The following PTPRD variants were observed in gnomAD, a reference collection of about 807,000 sequenced individuals.
The protein encoded by PTPRD is protein tyrosine phosphatase receptor type D.
A neutral mutation model predicts 214.5 loss-of-function variants in PTPRD; 34 were observed. That is an observed-to-expected ratio of 0.16 (90% CI 0.12 to 0.21). The LOEUF (loss-of-function observed/expected upper bound fraction) is 0.21, where lower values mean the gene tolerates loss of function less well. PTPRD is among the 10% of genes least tolerant of loss of function. The pLI, the probability that PTPRD is intolerant of heterozygous loss-of-function variation, is 1.00. For synonymous variants in PTPRD, 1,128 were observed against 845.7 expected (o/e 1.33, Z -5.79); for missense variants, 2,545 against 2,398.7 (o/e 1.06, Z -1.27).
chr9:10,408,790 A>T (rs1587524193), intron 2 of PTPRD, among the ~76,000 whole-genome samples: 1 of 151,634 alleles, frequency 6.6e-6, no homozygotes, highest in African/African-American at 2.4e-5. Context: ...GACCTTTCCA[A>T]GTTTCTACAC....
intron 2 of PTPRD, among the ~76,000 whole-genome samples, chr9:10,594,289 A>C (rs1016098212): frequency 6.6e-6 from 1 of 151,990 alleles, no homozygotes; most frequent in African/African-American, 2.4e-5. Flanking sequence ...GTCTTCAGTA[A>C]AACTGAACTG....
intron 8 of PTPRD, among the ~76,000 whole-genome samples, chr9:9,405,027 C>T (rs1412035235): frequency 6.6e-6 from 1 of 152,002 alleles, no homozygotes; most frequent in African/African-American, 2.4e-5. Flanking sequence ...GATAACATCC[C>T]GGTGGCACCC....
intron 11 of PTPRD, among the ~76,000 whole-genome samples, chr9:8,947,462 C>CA (rs138279192): frequency 0.024 from 2,213 of 92,686 alleles, 66 homozygotes; most frequent in African/African-American, 0.072. Flanking sequence ...GACTCTGTCT[C>CA]AAAAAAAAAA....
chr9:10,565,216 T>A (rs906592029), intron 2 of PTPRD, among the ~76,000 whole-genome samples: 1 of 152,104 alleles, frequency 6.6e-6, no homozygotes, highest in Admixed American at 6.6e-5. Flanking sequence ...GACCCTATCA[T>A]CTGCCAAATC....
chr9:9,290,091 C>A (rs761433067), intron 9 of PTPRD, among the ~76,000 whole-genome samples: 1 of 151,620 alleles, frequency 6.6e-6, no homozygotes, highest in Non-Finnish European at 1.5e-5. Flanking sequence ...TACAAGGGTT[C>A]CCTTTTTTCC....
chr9:9,802,063 G>A (rs948674341), intron 5 of PTPRD, among the ~76,000 whole-genome samples: 6 of 152,004 alleles, frequency 3.9e-5, no homozygotes, highest in African/African-American at 7.2e-5. Context: ...AATGTGTTTA[G>A]CACCAATTGC....
chr9:8,841,953 G>C (rs550352882), intron 11 of PTPRD, among the ~76,000 whole-genome samples: 13 of 151,856 alleles, frequency 8.6e-5, no homozygotes, highest in African/African-American at 2.9e-4. Flanking sequence ...AGAGGTTGCA[G>C]TGAGCAGAGA....
rs974159386 is a variant in PTPRD, at chr9:10,134,215, C to A, written c.-544-100425G>T. On this transcript the variant is annotated intron_variant, in intron 3 of 45. Transcript: ENST00000381196. ...TGCCAAGCAAAGAGGACCAGTGGGT[C>A]TCCAGAGAGCTGCAGGTCTCCTGGT... is the stretch of plus-strand genomic sequence containing the variant. Among the ~76,000 whole-genome samples the A allele has an allele frequency of 5.5e-4, 84 of 152,268 alleles. 1 individual carries two copies. The highest frequency in any genetic ancestry group is 4.5e-3 in the Admixed American group (69 of 15,288).
intron 35 of PTPRD, among the ~76,000 whole-genome samples, chr9:8,428,522 T>A (rs1386951392): frequency 1.3e-5 from 2 of 152,216 alleles, no homozygotes; most frequent in African/African-American, 4.8e-5. Flanking sequence ...AATGGAGGCC[T>A]TCCCTTAGAA....
At chr9:9,786,676 G>A (rs553043692) in intron 5 of PTPRD, among the ~76,000 whole-genome samples, 2 of 152,176 alleles carry the variant, frequency 1.3e-5, no homozygotes, top group South Asian at 4.1e-4. Context: ...TAATGTAAAT[G>A]ATCAGTTAAT....
chr9:9,684,871 T>C (rs1423160665), intron 7 of PTPRD, among the ~76,000 whole-genome samples: 3 of 151,628 alleles, frequency 2.0e-5, no homozygotes, highest in African/African-American at 7.3e-5. Context: ...TTATCTGTCA[T>C]TTATTATTGA....
chr9:10,327,434 T>C (rs889722594), intron 3 of PTPRD, among the ~76,000 whole-genome samples: 3 of 151,388 alleles, frequency 2.0e-5, no homozygotes, highest in Non-Finnish European at 3.0e-5. Context: ...TTCCCAATAA[T>C]TGCTAATTAA....
intron 3 of PTPRD, among the ~76,000 whole-genome samples, chr9:10,078,268 T>G (rs1276842270): frequency 2.0e-5 from 3 of 151,306 alleles, no homozygotes; most frequent in Non-Finnish European, 4.4e-5. Flanking sequence ...ATCCCAGCAC[T>G]TTGGGAGGCT....
chr9:9,327,238 T>C (rs2040331192), intron 9 of PTPRD, among the ~76,000 whole-genome samples: 1 of 152,206 alleles, frequency 6.6e-6, no homozygotes, highest in South Asian at 2.1e-4. Context: ...AACAAGAATG[T>C]AAATTAAATC....
chr9:9,256,103 A>G (rs1350513625), intron 9 of PTPRD, among the ~76,000 whole-genome samples: 1 of 152,038 alleles, frequency 6.6e-6, no homozygotes, highest in African/African-American at 2.4e-5. Flanking sequence ...CAATAAGAAA[A>G]AAACTAGGTC....
chr9:8,738,297 T>C (rs927935839), intron 11 of PTPRD, among the ~76,000 whole-genome samples: 6 of 152,310 alleles, frequency 3.9e-5, no homozygotes, highest in Non-Finnish European at 8.8e-5. Context: ...CAACTTACCA[T>C]TGTAACACTT....
chr9:10,329,371 G>T (rs544966237), intron 3 of PTPRD, among the ~76,000 whole-genome samples: 211 of 151,838 alleles, frequency 1.4e-3, no homozygotes, highest in African/African-American at 4.7e-3. Context: ...TAATGTGCAT[G>T]TTCTAAGGGA....
At chr9:9,658,022 A>G (rs1285340712) in intron 7 of PTPRD, among the ~76,000 whole-genome samples, 1 of 152,210 alleles carries the variant, frequency 6.6e-6, no homozygotes, top group African/African-American at 2.4e-5. Flanking sequence ...GAATTTCGCT[A>G]AAATATTTGC....
At chr9:9,246,347 C>A (rs1468029183) in intron 9 of PTPRD, among the ~76,000 whole-genome samples, 1 of 152,046 alleles carries the variant, frequency 6.6e-6, no homozygotes, top group Admixed American at 6.6e-5. Context: ...CAAGCTGAAG[C>A]TTGACCACTT....
Sources: gnomAD v4.1 joint callset for allele counts (sites outside exome capture counted in the v4.1 genomes callset) on GRCh38, gnomAD v4.1.1 for gene constraint, MANE v1.5 for transcripts, NCBI Gene and HGNC (gene_info 2026-07-23, HGNC 2026-07-21) for gene names.